LAMC3: variants seen among roughly 807,000 people sequenced by gnomAD.
The protein encoded by LAMC3 is laminin subunit gamma-3.
In LAMC3, 128 loss-of-function variants were observed where a neutral mutation model predicts 173.8. The ratio of observed to expected loss-of-function variants is 0.74; its 90% CI spans 0.64 to 0.85. The LOEUF (loss-of-function observed/expected upper bound fraction) is 0.85. LAMC3 is among the 40% of genes least tolerant of loss of function. LAMC3 has a pLI of 0.00. For missense variants in LAMC3, 2,022 were observed against 2,156.0 expected (o/e 0.94, Z 1.23); for synonymous variants, 897 against 909.1 (o/e 0.99, Z 0.24).
Position 131,052,952 on chromosome 9 carries a change from C to A in LAMC3, c.1926C>A (p.Gly642=). 1 of 1,612,274 alleles carries A rather than the reference C, an allele frequency of 6.2e-7. No homozygotes were observed. The stretch of plus-strand genomic sequence containing the variant: ...GCCTCCGCCTCCGCGTCAGTCCCGG[C>A]CCCAGCCCTGCCGGTCAGTAAAGAC... ...LTSLRLRVSP[G]PSPAGPVFLT... The change falls in exon 11 of 28, where the codon GGC becomes GGA. Residue 642 remains glycine (G), a synonymous_variant. Coordinates refer to ENST00000361069, the MANE Select transcript of LAMC3 (RefSeq NM_006059.4).
intron 3 of LAMC3, among the ~76,000 whole-genome samples, chr9:131,033,479 T>A (rs1833884829): frequency 6.6e-6 from 1 of 151,768 alleles, no homozygotes; most frequent in African/African-American, 2.4e-5. Context: ...GGTTGAGGAC[T>A]AGGGGACGGC....
Position 131,077,170 on chromosome 9 carries a change from C to T in LAMC3, c.3630-17C>T, listed in dbSNP as rs751853477. On this transcript the variant is annotated splice_polypyrimidine_tract_variant and intron_variant, in intron 21 of 27. Coordinates refer to ENST00000361069, the MANE Select transcript of LAMC3 (RefSeq NM_006059.4). ...GCTAGTTCTGCACCCAGCTCCGTGG[C>T]CTCTGCTTCCTCCCAGGTACCAGGA... The T allele has an allele frequency of 6.2e-7, 1 of 1,612,844 alleles. No homozygotes were observed. The highest frequency in any genetic ancestry group is 8.5e-7 in the Non-Finnish European group (1 of 1,179,990).
intron 11 of LAMC3, among the ~76,000 whole-genome samples, chr9:131,054,926 G>A (rs140089992): frequency 7.0e-4 from 107 of 152,298 alleles, no homozygotes; most frequent in African/African-American, 2.4e-3. Flanking sequence ...ACAGTGCGTC[G>A]TGGAGGTTGT....
In LAMC3 at chr9:131,039,428, T is replaced by A. The variant is rs2293519; in HGVS notation, c.1283+180T>A. ...AGAGGCCAAGAGACAAAAACAGACCTTAATGAGACCAGGCTGAGCCCTGTG... is the reference window on the plus strand; with the variant it reads ...AGAGGCCAAGAGACAAAAACAGACCATAATGAGACCAGGCTGAGCCCTGTG... On this transcript the variant is annotated intron_variant, in intron 6 of 27. Transcript: ENST00000361069. Among the ~76,000 whole-genome samples, 77,314 of 151,832 alleles carry A rather than the reference T, an allele frequency of 0.51. 20,098 individuals are homozygous for A. Among genetic ancestry groups the A allele is most frequent in the Admixed American group, 0.57 (8,688 of 15,262 alleles).
intron 12 of LAMC3, among the ~76,000 whole-genome samples, chr9:131,059,677 T>A (rs1040671786): frequency 3.9e-5 from 6 of 152,134 alleles, no homozygotes; most frequent in Admixed American, 3.9e-4. Context: ...GCAGCCCCTG[T>A]GGAGGAAGCA....
At chr9:131,079,442 C>T in intron 23 of LAMC3, 144 bp downstream of exon 23, 1 of 956,970 alleles carries the variant, frequency 1.0e-6, no homozygotes, top group Non-Finnish European at 1.6e-6. Context: ...CACCTGTAAT[C>T]CCACCACTTT....
intron 27 of LAMC3, 99 bp downstream of exon 27, chr9:131,087,916 T>A: frequency 2.2e-6 from 2 of 922,058 alleles, no homozygotes; most frequent in Non-Finnish European, 3.5e-6. Flanking sequence ...TTCCTCCTTG[T>A]CCTCATTGCC....
intron 4 of LAMC3, among the ~76,000 whole-genome samples, chr9:131,038,336 G>T (rs1013096812): frequency 6.6e-6 from 1 of 152,188 alleles, no homozygotes. Flanking sequence ...AAATGGGTCC[G>T]CACCTTTCAT....
At chr9:131,085,385 ATG>A in intron 24 of LAMC3, 137 bp from the exon 25 acceptor site, 1 of 794,298 alleles carries the variant, frequency 1.3e-6, no homozygotes, top group Non-Finnish European at 2.2e-6. Context: ...AGAAGGCGAT[ATG>A]CACGTTGCAT....
rs11244268 is a variant in LAMC3 at position 131,060,947 on chromosome 9, G to A, written c.2159-88G>A. 329,120 of 1,378,708 alleles carry A rather than the reference G, an allele frequency of 0.24. 42,613 individuals carry two copies. Among genetic ancestry groups the A allele is most frequent in the Middle Eastern group, 0.33 (1,776 of 5,418 alleles). The allele number at this position is 1,378,708 out of a possible 1,614,324, so 85.4% of individuals were successfully genotyped here. On this transcript the variant is annotated intron_variant, in intron 12 of 27. Transcript: ENST00000361069. ...AAAGGTCCCCACCCCACTTCTGCCC[G>A]GGATGTGCTCCCTAACCTCTCCCAC...
rs1458106013 is a variant in LAMC3 at position 131,093,997 on chromosome 9, A to G, written c.*2210A>G. 1 of 152,248 alleles carries G rather than the reference A, an allele frequency of 6.6e-6. No individual in the cohort carries two copies. Among genetic ancestry groups the G allele is most frequent in the African/African-American group, 2.4e-5 (1 of 41,434 alleles). 9.4% of individuals were successfully genotyped at this position (152,248 alleles called of 1,614,324 possible). A position where few individuals can be genotyped will look rare whatever the true frequency, so the allele number is the denominator to read the frequency against. On this transcript the variant is annotated 3_prime_UTR_variant, in exon 28 of 28. Coordinates refer to ENST00000361069, the MANE Select transcript of LAMC3 (RefSeq NM_006059.4). ...CCCAGCTAATTTTGGTATTTTTAGT[A>G]GAGACAGGGTTTCACCACGTTGGTC...
chr9:131,009,207 C>T lies in LAMC3; in HGVS notation c.-8C>T, dbSNP rs1198862755. 8.2e-6 allele frequency: 10 copies of T among 1,220,182 alleles called. No homozygotes were observed. Among genetic ancestry groups the T allele is most frequent in the Non-Finnish European group, 1.0e-5 (10 of 983,592 alleles). The allele number at this position is 1,220,182 out of a possible 1,614,324, so 75.6% of individuals were successfully genotyped here. On this transcript the variant is annotated 5_prime_UTR_variant, in exon 1 of 28. Transcript: ENST00000361069. This position sits in a 1 kb window ranked among gnomAD's most constrained non-coding sequence, Gnocchi z 4.3. ...CCGGCAGAGCGCGCGGCGTCGGTGC[C>T]CTTGACCATGGCGGCGGCTGCGCTT... is the stretch of plus-strand genomic sequence containing the variant.
At chr9:131,052,346 G>A (rs1026531319) in intron 9 of LAMC3, 145 bp from the exon 10 acceptor site, 3 of 742,860 alleles carry the variant, frequency 4.0e-6, no homozygotes, top group South Asian at 1.6e-5. Flanking sequence ...CCCCCTGCAG[G>A]GTCTGCTGTG....
intron 27 of LAMC3, 80 bp downstream of exon 27, chr9:131,087,897 G>A: frequency 1.8e-6 from 2 of 1,109,938 alleles, no homozygotes; most frequent in East Asian, 2.5e-5. Flanking sequence ...CTCCAGTCCT[G>A]GGGAAGATTT....
intron 1 of LAMC3, among the ~76,000 whole-genome samples, chr9:131,014,950 T>C (rs1423169628): frequency 6.6e-6 from 1 of 152,220 alleles, no homozygotes; most frequent in Non-Finnish European, 1.5e-5. Context: ...CACTCCAGCC[T>C]GGGCAACAGA....
intron 3 of LAMC3, among the ~76,000 whole-genome samples, chr9:131,032,539 T>TCTCTCTTGCTCTCTCTCGCTCG (rs1833849970): frequency 2.4e-5 from 3 of 126,668 alleles, no homozygotes; most frequent in Non-Finnish European, 4.5e-5. Flanking sequence ...TCGCTGTCTC[T>TCTCTCTTGCTCTCTCTCGCTCG]CTCTCTTGCT....
chr9:131,088,742 C>T (rs542558039), intron 27 of LAMC3, among the ~76,000 whole-genome samples: 10 of 152,184 alleles, frequency 6.6e-5, no homozygotes, highest in African/African-American at 2.4e-4. Context: ...CCATTTCCCT[C>T]CCCCAGCCCC....
Position 131,041,683 on chromosome 9 carries a change from C to A in LAMC3, c.1330C>A (p.Arg444Ser). 6.2e-7 allele frequency: 1 copy of A among 1,614,120 alleles called. No individual in the cohort carries two copies. The highest frequency in any genetic ancestry group is 2.2e-5 in the East Asian group (1 of 44,882). The change falls in exon 7 of 28, where the codon CGC becomes AGC. Residue 444 changes from arginine to serine, a missense_variant. Transcript: ENST00000361069. The stretch of plus-strand genomic sequence containing the variant: ...TGGCAGCCTGGACACCTGTGACCCC[C>A]GCAGTGGGCGCTGCCCCTGCAAAGA... ...PAGSLDTCDPRSGRCPCKENV... is the reference protein window; with the variant it reads ...PAGSLDTCDPSSGRCPCKENV...
At chr9:131,073,663 T>C (rs973932016) in intron 20 of LAMC3, among the ~76,000 whole-genome samples, 1 of 152,134 alleles carries the variant, frequency 6.6e-6, no homozygotes, top group Non-Finnish European at 1.5e-5. Flanking sequence ...AGTGAGACTC[T>C]GTCTCACTGT....
Sources: allele counts gnomAD v4.1 joint callset (sites outside exome capture counted in the v4.1 genomes callset), GRCh38; gene constraint gnomAD v4.1.1; non-coding constraint Gnocchi (gnomAD v3.1); transcripts MANE v1.5; gene names NCBI Gene and HGNC (gene_info 2026-07-23, HGNC 2026-07-21).